The following RBPJ variants were observed in gnomAD, a reference collection of about 807,000 sequenced individuals.
The protein encoded by RBPJ is recombination signal binding protein for immunoglobulin kappa J region.
In RBPJ, 9 loss-of-function variants were observed where a neutral mutation model predicts 67.8. That is an observed-to-expected ratio of 0.13 (90% confidence interval 0.08 to 0.23). The LOEUF is 0.23. Among genes scored for constraint, RBPJ ranks in the 10% least tolerant of loss-of-function variants. The pLI is 1.00. For missense variants in RBPJ, 305 were observed against 595.6 expected (o/e 0.51, Z 5.08); for synonymous variants, 198 against 203.3 (o/e 0.97, Z 0.22).
intron 1 of RBPJ, among the ~76,000 whole-genome samples, chr4:26,293,660 A>C (rs1183402076): frequency 6.9e-6 from 1 of 144,194 alleles, no homozygotes; most frequent in South Asian, 2.1e-4. Context: ...AAAAAATAAA[A>C]AGCACAGAGT....
chr4:26,316,695 GT>G (rs1577420355), upstream of RBPJ, among the ~76,000 whole-genome samples: 1 of 125,526 alleles, frequency 8.0e-6, no homozygotes, highest in South Asian at 2.3e-4. Context: ...TACACATATT[GT>G]GTATATATAT....
chr4:26,212,171 G>A (rs923973622), intron 1 of RBPJ, among the ~76,000 whole-genome samples: 3 of 151,972 alleles, frequency 2.0e-5, no homozygotes, highest in African/African-American at 7.3e-5. Context: ...GATCCTCCCC[G>A]CTACAATGGA....
At chr4:26,286,279 G>A (rs558303751) in intron 1 of RBPJ, among the ~76,000 whole-genome samples, 7 of 152,116 alleles carry the variant, frequency 4.6e-5, no homozygotes, top group African/African-American at 1.7e-4. Context: ...AGGAGTTTGA[G>A]AGCAGCCAGG....
At chr4:26,346,021 A>C (rs1336429417) in intron 1 of RBPJ, among the ~76,000 whole-genome samples, 1 of 151,828 alleles carries the variant, frequency 6.6e-6, no homozygotes, top group Non-Finnish European at 1.5e-5. Flanking sequence ...AAATTAAAAC[A>C]CACACACACA....
chr4:26,202,795 G>A (rs1718024984), intron 1 of RBPJ, among the ~76,000 whole-genome samples: 1 of 151,942 alleles, frequency 6.6e-6, no homozygotes. Flanking sequence ...TGTAATCCCA[G>A]CTATTTGGGA....
At chr4:26,397,550 C>G (rs1316770373) in intron 2 of RBPJ, among the ~76,000 whole-genome samples, 1 of 152,160 alleles carries the variant, frequency 6.6e-6, no homozygotes, top group Non-Finnish European at 1.5e-5. Flanking sequence ...TTTTCTGTAG[C>G]GTCAAGTAGT....
rs187627238 is a variant in RBPJ, at chr4:26,249,525, G to T, written c.-167+85911G>T. On this transcript the variant is annotated intron_variant, in intron 1 of 4. Coordinates refer to the RBPJ transcript ENST00000512351. Reference sequence around the variant, plus strand: ...AAATGCAAAAAATTAGCCGGGCATGGTGGTGGGTGCCTGTAATCCCAGCTA... The same window carrying T: ...AAATGCAAAAAATTAGCCGGGCATGTTGGTGGGTGCCTGTAATCCCAGCTA... 1.5e-3 allele frequency among the ~76,000 whole-genome samples: 226 copies of T among 152,074 alleles called. 1 individual carries two copies. The highest frequency in any genetic ancestry group is 3.0e-3 in the Non-Finnish European group (201 of 68,000).
At chr4:26,266,093 C>T (rs1720695706) in intron 1 of RBPJ, among the ~76,000 whole-genome samples, 1 of 152,140 alleles carries the variant, frequency 6.6e-6, no homozygotes. Context: ...CCCTTAAATT[C>T]CATACTTTGG....
At chr4:26,227,560 C>T (rs780860599) in intron 1 of RBPJ, among the ~76,000 whole-genome samples, 1 of 151,534 alleles carries the variant, frequency 6.6e-6, no homozygotes, top group Non-Finnish European at 1.5e-5. Context: ...AATTAAGACC[C>T]TCCACAGCCT....
At chr4:26,350,087 G>A (rs991412759) in intron 1 of RBPJ, among the ~76,000 whole-genome samples, 2 of 152,134 alleles carry the variant, frequency 1.3e-5, no homozygotes, top group Admixed American at 6.5e-5. Flanking sequence ...AGTGCCTGTC[G>A]TGTAAGACAT....
chr4:26,332,724 C>T (rs1196199720), intron 1 of RBPJ, among the ~76,000 whole-genome samples: 1 of 152,158 alleles, frequency 6.6e-6, no homozygotes, highest in Non-Finnish European at 1.5e-5. Flanking sequence ...CATCATATCC[C>T]ACTGAAGCCT....
intron 1 of RBPJ, among the ~76,000 whole-genome samples, chr4:26,265,929 C>T (rs1472879072): frequency 6.6e-6 from 1 of 151,958 alleles, no homozygotes; most frequent in Non-Finnish European, 1.5e-5. Flanking sequence ...CCCAGCTACT[C>T]AGGAGGCTGA....
chr4:26,267,675 T>C lies in RBPJ; in HGVS notation c.-166-94771T>C, dbSNP rs539445578. Among the ~76,000 whole-genome samples, 304 of 152,220 alleles carry C rather than the reference T, an allele frequency of 2.0e-3. 1 individual carries two copies. Among genetic ancestry groups the C allele is most frequent in the African/African-American group, 7.0e-3 (291 of 41,520 alleles). ...CAGGCTGGAGTACAGTGGCACGATC[T>C]CGGCTCACTGCACCCTCCACCTCCC... On this transcript the variant is annotated intron_variant, in intron 1 of 4. Transcript: ENST00000512351.
intron 2 of RBPJ, among the ~76,000 whole-genome samples, chr4:26,388,030 G>T (rs116447123): frequency 1.2e-3 from 180 of 152,058 alleles, no homozygotes; most frequent in African/African-American, 4.2e-3. Flanking sequence ...CCTCAGAAAG[G>T]CAAAATCAAA....
chr4:26,372,267 A>G (rs551866095), intron 1 of RBPJ, among the ~76,000 whole-genome samples: 2 of 152,340 alleles, frequency 1.3e-5, no homozygotes, highest in South Asian at 4.1e-4. Flanking sequence ...GGAAGGCAAG[A>G]TGAGGGAGGA....
At position 26,430,305 on chromosome 4, in the gene RBPJ, T is replaced by C. The variant is rs1234817937; in HGVS notation, c.1045-114T>C. 1.0e-5 allele frequency: 10 copies of C among 952,680 alleles called. No individual in the cohort carries two copies. Among genetic ancestry groups the C allele is most frequent in the Non-Finnish European group, 1.6e-6 (1 of 615,010 alleles). 59.0% of individuals were successfully genotyped at this position (952,680 alleles called of 1,614,324 possible). A position where few individuals can be genotyped will look rare whatever the true frequency, so the allele number is the denominator to read the frequency against. On this transcript the variant is annotated intron_variant, in intron 9 of 10. Coordinates refer to ENST00000355476, the MANE Select transcript of RBPJ (RefSeq NM_015874.6). The surrounding 1 kb of genome is among the most constrained non-coding windows in gnomAD (Gnocchi z 4.1). Reference sequence around the variant, plus strand: ...TTAGCTAGCTTTGTAATAAAAAACATTTTAATTGCCCTTTTTTAAAAAAAA... The same window carrying C: ...TTAGCTAGCTTTGTAATAAAAAACACTTTAATTGCCCTTTTTTAAAAAAAA...
chr4:26,217,984 C>T (rs1718773156), intron 1 of RBPJ, among the ~76,000 whole-genome samples: 1 of 152,170 alleles, frequency 6.6e-6, no homozygotes, highest in Admixed American at 6.5e-5. Flanking sequence ...AAAAACAAAA[C>T]AGACCGGGGC....
upstream of RBPJ, among the ~76,000 whole-genome samples, chr4:26,160,709 G>A (rs1415961433): frequency 6.6e-6 from 1 of 152,220 alleles, no homozygotes; most frequent in Non-Finnish European, 1.5e-5. Flanking sequence ...AGGAGAAAGA[G>A]TGTGGGTGAA....
At chr4:26,159,118 T>C (rs1218829896), upstream of RBPJ, among the ~76,000 whole-genome samples, 1 of 152,132 alleles carries the variant, frequency 6.6e-6, no homozygotes, top group Non-Finnish European at 1.5e-5. Flanking sequence ...TGTGAGACCC[T>C]GATGGGAAGT....
Sources: gnomAD v4.1 joint callset for allele counts (sites outside exome capture counted in the v4.1 genomes callset) on GRCh38, gnomAD v4.1.1 for gene constraint, Gnocchi (gnomAD v3.1) non-coding constraint, MANE v1.5 for transcripts, NCBI Gene and HGNC (gene_info 2026-07-23, HGNC 2026-07-21) for gene names.